Variants in COL5A2 observed in about 807,000 individuals in gnomAD.
COL5A2 encodes the protein collagen alpha-2(V) chain.
Under a neutral mutation model 208.2 loss-of-function variants are expected in COL5A2, and 23 were observed. The ratio of observed to expected loss-of-function variants is 0.11; its 90% CI spans 0.08 to 0.16. The LOEUF (loss-of-function observed/expected upper bound fraction) is 0.16, where lower values mean the gene tolerates loss of function less well. Ranked by LOEUF, COL5A2 falls within the 10% of genes least tolerant of loss-of-function variation. The pLI is 1.00. For synonymous variants in COL5A2, 625 were observed against 628.5 expected, an observed-to-expected ratio of 0.99 and a Z score of 0.08; for missense variants, 1,590 against 1,956.4, an observed-to-expected ratio of 0.81 and a Z score of 3.53.
chr2:189,419,982 AGAGGAGGAGGAGAGGAGAGAG>A, the COL5A2 span, among the ~76,000 whole-genome samples: 1 of 137,672 alleles, frequency 7.3e-6, no homozygotes, highest in Non-Finnish European at 1.6e-5. Context: ...GAGAGGAGGA[AGAGGAGGAGGAGAGGAGAGAG>A]GAGGAGGAGG....
chr2:189,406,268 C>T, the COL5A2 span, among the ~76,000 whole-genome samples: 2 of 151,970 alleles, frequency 1.3e-5, no homozygotes, highest in Non-Finnish European at 2.9e-5. Flanking sequence ...GAAATTGATG[C>T]TTTTAAAATA....
chr2:189,063,924 G>T, intron 26 of COL5A2, 56 bp downstream of exon 26: 1 of 1,334,998 alleles, frequency 7.5e-7, no homozygotes, highest in Non-Finnish European at 1.1e-6. Flanking sequence ...TATCATTTAA[G>T]TTGCATGTCT....
the COL5A2 span, among the ~76,000 whole-genome samples, chr2:189,411,359 GT>G: frequency 1.3e-5 from 2 of 151,848 alleles, no homozygotes; most frequent in East Asian, 3.9e-4. Flanking sequence ...TGCTTCAATC[GT>G]TTTTTTTATT....
At chr2:189,155,285 G>T (rs1688223046) in intron 1 of COL5A2, among the ~76,000 whole-genome samples, 1 of 152,136 alleles carries the variant, frequency 6.6e-6, no homozygotes, top group Admixed American at 6.6e-5. Flanking sequence ...ATTGCACTAG[G>T]CCTTTGGGAG....
intron 1 of COL5A2, among the ~76,000 whole-genome samples, chr2:189,145,848 T>C (rs1338977468): frequency 1.3e-5 from 2 of 152,140 alleles, no homozygotes; most frequent in African/African-American, 4.8e-5. Flanking sequence ...ACTGTGATCC[T>C]TCTTTAGAAC....
chr2:189,410,887 T>C, the COL5A2 span, among the ~76,000 whole-genome samples: 1 of 152,194 alleles, frequency 6.6e-6, no homozygotes, highest in African/African-American at 2.4e-5. Context: ...TGAAGTAATA[T>C]GTCAAAGTAC....
chr2:189,266,450 T>C, the COL5A2 span, among the ~76,000 whole-genome samples: 1 of 151,190 alleles, frequency 6.6e-6, no homozygotes, highest in African/African-American at 2.4e-5. Flanking sequence ...ATATGAAATA[T>C]AGATACATGC....
chr2:189,359,219 T>G, the COL5A2 span, among the ~76,000 whole-genome samples: 2 of 152,170 alleles, frequency 1.3e-5, no homozygotes, highest in African/African-American at 4.8e-5. Context: ...CATACAAATA[T>G]GGTCTTTATT....
At chr2:189,309,139 A>T in the COL5A2 span, among the ~76,000 whole-genome samples, 2 of 152,202 alleles carry the variant, frequency 1.3e-5, no homozygotes, top group East Asian at 3.8e-4. Flanking sequence ...CGACAACCTC[A>T]TCGAGAATGT....
chr2:189,339,102 G>T, the COL5A2 span, among the ~76,000 whole-genome samples: 1 of 152,126 alleles, frequency 6.6e-6, no homozygotes. Flanking sequence ...TATAATCTCA[G>T]CAATTTGGGA....
chr2:189,434,990 C>T, the COL5A2 span, among the ~76,000 whole-genome samples: 4 of 152,018 alleles, frequency 2.6e-5, no homozygotes, highest in Non-Finnish European at 5.9e-5. Flanking sequence ...TATAGACCAA[C>T]GGAACAGAAC....
At chr2:189,280,464 T>C in the COL5A2 span, among the ~76,000 whole-genome samples, 2 of 152,188 alleles carry the variant, frequency 1.3e-5, no homozygotes, top group South Asian at 4.1e-4. Flanking sequence ...ATCCATTTTT[T>C]GTCTTATTTC....
rs542134887 is a variant in COL5A2, at chr2:189,079,109, T to TA, written c.961-3dup. ...TGGACCAGTGGGGCCAGCTTCACCCTAAAAAAAAATGAGAATACATTACAG... is the reference window on the plus strand; with the variant it reads ...TGGACCAGTGGGGCCAGCTTCACCCTAAAAAAAAAATGAGAATACATTACAG... On this transcript the variant is annotated splice_polypyrimidine_tract_variant and splice_region_variant and intron_variant, in intron 14 of 53. Transcript: ENST00000374866. 1,244 of 1,537,412 alleles carry TA rather than the reference T, an allele frequency of 8.1e-4. No homozygotes were observed. The highest frequency in any genetic ancestry group is 9.5e-4 in the Non-Finnish European group (1,072 of 1,122,822).
the COL5A2 span, among the ~76,000 whole-genome samples, chr2:189,417,426 C>A: frequency 9.4e-6 from 1 of 106,528 alleles, no homozygotes. Context: ...TAAGTTAAGT[C>A]TTCCTTACTA....
the COL5A2 span, among the ~76,000 whole-genome samples, chr2:189,369,448 T>C: frequency 1.3e-5 from 2 of 152,138 alleles, no homozygotes; most frequent in Admixed American, 6.5e-5. Flanking sequence ...ATAGATAATT[T>C]CATTTTTGCT....
the COL5A2 span, among the ~76,000 whole-genome samples, chr2:189,309,804 T>C: frequency 8.3e-4 from 127 of 152,352 alleles, 1 homozygote; most frequent in African/African-American, 3.0e-3. Context: ...TCTGTGCTTC[T>C]GCTAGATCCT....
intron 1 of COL5A2, among the ~76,000 whole-genome samples, chr2:189,118,429 T>C (rs553196673): frequency 6.6e-6 from 1 of 152,210 alleles, no homozygotes; most frequent in East Asian, 1.9e-4. Context: ...CAATTTTCCC[T>C]GATACAGAAG....
At chr2:189,309,357 T>G in the COL5A2 span, among the ~76,000 whole-genome samples, 16 of 152,174 alleles carry the variant, frequency 1.1e-4, no homozygotes, top group African/African-American at 3.6e-4. Context: ...TTAACTGATA[T>G]ACGACCTTCT....
chr2:189,066,790 A>G lies in COL5A2; in HGVS notation c.1402-8T>C. 6.2e-7 allele frequency: 1 copy of G among 1,610,084 alleles called. No individual in the cohort carries two copies. Among genetic ancestry groups the G allele is most frequent in the Non-Finnish European group, 8.5e-7 (1 of 1,176,362 alleles). On this transcript the variant is annotated splice_polypyrimidine_tract_variant and splice_region_variant and intron_variant, in intron 21 of 53. Transcript: ENST00000374866. ...TGGAACTCCTGGATCACCCTGAAAA[A>G]AATATATTGATATTTGTAAGAACCA...
Sources: allele counts gnomAD v4.1 joint callset (sites outside exome capture counted in the v4.1 genomes callset), GRCh38; gene constraint gnomAD v4.1.1; transcripts MANE v1.5; gene names NCBI Gene and HGNC (gene_info 2026-07-23, HGNC 2026-07-21).